The following CCDC73 variants were observed in gnomAD, a reference collection of about 807,000 sequenced individuals.
The protein encoded by CCDC73 is coiled-coil domain containing 73.
A neutral mutation model predicts 116.5 loss-of-function variants in CCDC73; 95 were observed. The observed-to-expected ratio is 0.82, with a 90% CI of 0.69 to 0.97. The LOEUF is 0.97. CCDC73 is among the 50% of genes least tolerant of loss of function. The pLI is 0.00. For synonymous variants in CCDC73, 398 were observed against 401.3 expected, an observed-to-expected ratio of 0.99 and a Z score of 0.10; for missense variants, 1,066 against 1,206.8, an observed-to-expected ratio of 0.88 and a Z score of 1.73.
chr11:32,702,020 A>G (rs1849816946), intron 4 of CCDC73, among the ~76,000 whole-genome samples: 1 of 152,196 alleles, frequency 6.6e-6, no homozygotes, highest in Admixed American at 6.5e-5. Flanking sequence ...AGAGAATACT[A>G]TGCTACACTT....
In CCDC73 at chr11:32,676,118, T is replaced by C. The variant is rs549387856; in HGVS notation, c.430-97A>G. 27 of 946,454 alleles carry C rather than the reference T, an allele frequency of 2.9e-5. No homozygotes were observed. In the African/African-American group the frequency reaches 3.6e-4, roughly 13 times the overall value. The allele number at this position is 946,454 out of a possible 1,614,324, so 58.6% of individuals were successfully genotyped here. ...AATATATTGTGGTAAACCACTGTTG[T>C]TAGTAATATAACATAAATAAATGTC... On this transcript the variant is annotated intron_variant, in intron 7 of 17. Coordinates refer to ENST00000335185, the MANE Select transcript of CCDC73 (RefSeq NM_001008391.4).
intron 6 of CCDC73, among the ~76,000 whole-genome samples, chr11:32,688,947 A>C (rs1856229382): frequency 6.6e-6 from 1 of 152,208 alleles, no homozygotes; most frequent in African/African-American, 2.4e-5. Context: ...GGTAATCCAG[A>C]AACCCCTACA....
At chr11:32,823,389 G>A in the CCDC73 span, among the ~76,000 whole-genome samples, 3 of 152,120 alleles carry the variant, frequency 2.0e-5, no homozygotes, top group South Asian at 2.1e-4. Flanking sequence ...CAGGAGAATC[G>A]CTTGAACCCG....
chr11:32,697,196 G>T lies in CCDC73; in HGVS notation c.390+2055C>A, dbSNP rs202048496. On this transcript the variant is annotated intron_variant, in intron 6 of 17. Coordinates refer to ENST00000335185, the MANE Select transcript of CCDC73 (RefSeq NM_001008391.4). ...GTGTTTATACATACACATACTTTTT[G>T]TTTTTTCTGAACTATCTGAAAGTAA... Among the ~76,000 whole-genome samples, 28 of 151,892 alleles carry T rather than the reference G, an allele frequency of 1.8e-4. No homozygotes were observed. In the East Asian group the frequency reaches 5.4e-3, roughly 29 times the overall value.
Position 32,613,962 on chromosome 11 carries a change from C to T in CCDC73, c.2356G>A (p.Ala786Thr), listed in dbSNP as rs1855447197. Residue 786 changes from alanine (A) to threonine (T), a missense_variant, in exon 16 of 18, where the codon GCT becomes ACT. Transcript: ENST00000335185. ...HLHLNNENSH[A>T]SQAKDVKTAV... is the part of the protein sequence containing the mutation. ...GTTTTCACATCTTTGGCTTGTGAAG[C>T]ATGACTATTCTCATTGTTAAGATGA... The T allele has an allele frequency of 2.5e-6, 4 of 1,610,814 alleles. 1 individual carries two copies. In the South Asian group the frequency reaches 4.4e-5, roughly 18 times the overall value.
At chr11:32,688,206 G>A (rs1164626562) in intron 6 of CCDC73, among the ~76,000 whole-genome samples, 2 of 152,048 alleles carry the variant, frequency 1.3e-5, no homozygotes, top group Non-Finnish European at 2.9e-5. Flanking sequence ...AGTGAACATC[G>A]CCAATAATAA....
At chr11:32,823,888 TTTTTGTTTTG>T in the CCDC73 span, among the ~76,000 whole-genome samples, 1 of 151,962 alleles carries the variant, frequency 6.6e-6, no homozygotes, top group Non-Finnish European at 1.5e-5. Context: ...TGTTTGTTTG[TTTTTGTTTTG>T]TTTTGTTTTG....
chr11:32,607,213 C>T (rs933096928), intron 17 of CCDC73, among the ~76,000 whole-genome samples: 2 of 147,170 alleles, frequency 1.4e-5, no homozygotes, highest in African/African-American at 2.5e-5. Flanking sequence ...CTGCCTCAGC[C>T]TCCCAAGTAG....
intron 2 of CCDC73, among the ~76,000 whole-genome samples, chr11:32,738,413 G>A (rs1446158727): frequency 1.3e-5 from 2 of 152,108 alleles, no homozygotes; most frequent in Non-Finnish European, 2.9e-5. Flanking sequence ...GGGTGAGATG[G>A]TATCTCATTG....
intron 2 of CCDC73, among the ~76,000 whole-genome samples, chr11:32,755,121 C>T (rs776343885): frequency 3.8e-4 from 56 of 147,902 alleles, no homozygotes; most frequent in Non-Finnish European, 7.4e-4. Context: ...CTCCTGACCT[C>T]GTGATCCACC....
intron 12 of CCDC73, among the ~76,000 whole-genome samples, chr11:32,643,469 A>G (rs538695040): frequency 6.6e-6 from 1 of 152,234 alleles, no homozygotes; most frequent in East Asian, 1.9e-4. Context: ...ACACAAACCT[A>G]GATGGTATAG....
At chr11:32,690,289 G>C (rs1856243232) in intron 6 of CCDC73, among the ~76,000 whole-genome samples, 1 of 152,060 alleles carries the variant, frequency 6.6e-6, no homozygotes, top group African/African-American at 2.4e-5. Context: ...GAAAGCTGTA[G>C]GACTGAGAAT....
At chr11:32,738,900 T>G (rs976339077) in intron 2 of CCDC73, among the ~76,000 whole-genome samples, 11 of 152,194 alleles carry the variant, frequency 7.2e-5, no homozygotes, top group African/African-American at 2.4e-4. Context: ...TGGTCTACTT[T>G]CATTCTTCCG....
At chr11:32,665,920 C>T (rs938677505) in intron 9 of CCDC73, among the ~76,000 whole-genome samples, 5 of 152,134 alleles carry the variant, frequency 3.3e-5, no homozygotes, top group East Asian at 1.9e-4. Context: ...ACTTATGAAG[C>T]TTAGTTTGGC....
At chr11:32,736,113 G>A (rs1365317390) in intron 2 of CCDC73, among the ~76,000 whole-genome samples, 1 of 152,160 alleles carries the variant, frequency 6.6e-6, no homozygotes. Context: ...AGGACTTCAT[G>A]TCTAAAACAC....
chr11:32,660,696 C>A (rs1351723852), intron 9 of CCDC73, among the ~76,000 whole-genome samples: 2 of 151,922 alleles, frequency 1.3e-5, no homozygotes, highest in African/African-American at 4.8e-5. Flanking sequence ...TAGTGGCATG[C>A]CTCTGGTCAC....
At chr11:32,825,206 G>A in the CCDC73 span, among the ~76,000 whole-genome samples, 15 of 151,036 alleles carry the variant, frequency 9.9e-5, no homozygotes, top group African/African-American at 3.6e-4. Context: ...GATCCTGGTT[G>A]GTATATTTCC....
At chr11:32,675,683 A>G in intron 8 of CCDC73, 39 bp from the exon 9 acceptor site, 4 of 1,454,932 alleles carry the variant, frequency 2.7e-6, no homozygotes, top group Non-Finnish European at 3.8e-6. Flanking sequence ...ATTATATTCA[A>G]TGTATATTTC....
At chr11:32,748,502 ACTGT>A (rs1375085817) in intron 2 of CCDC73, among the ~76,000 whole-genome samples, 8 of 152,166 alleles carry the variant, frequency 5.3e-5, no homozygotes, top group Non-Finnish European at 1.2e-4. Context: ...ATCTTATTAT[ACTGT>A]CTATGTCTTG....
Sources: allele counts gnomAD v4.1 joint callset (sites outside exome capture counted in the v4.1 genomes callset), GRCh38; gene constraint gnomAD v4.1.1; transcripts MANE v1.5; gene names NCBI Gene and HGNC (gene_info 2026-07-23, HGNC 2026-07-21).